PRKN: variants seen among roughly 807,000 people sequenced by gnomAD.
The protein encoded by PRKN is E3 ubiquitin-protein ligase parkin.
A neutral mutation model predicts 59.5 loss-of-function variants in PRKN; 56 were observed. The observed-to-expected ratio is 0.94, with a 90% CI of 0.76 to 1.18. The LOEUF is 1.18. Ranked by LOEUF, PRKN falls within the 50% of genes most tolerant of loss-of-function variation. PRKN has a pLI of 0.00. For synonymous variants in PRKN, 250 were observed against 222.1 expected, an observed-to-expected ratio of 1.13 and a Z score of -1.12; for missense variants, 657 against 596.4, an observed-to-expected ratio of 1.10 and a Z score of -1.06.
At chr6:161,472,025 A>G (rs1001327245) in intron 9 of PRKN, among the ~76,000 whole-genome samples, 2 of 151,936 alleles carry the variant, frequency 1.3e-5, no homozygotes, top group African/African-American at 4.8e-5. Context: ...TTTTTGAAAA[A>G]CCTAATCTAG....
rs1048724165 is a variant in PRKN, at chr6:161,601,825, G to A, written c.872-32409C>T. 4.6e-5 allele frequency among the ~76,000 whole-genome samples: 7 copies of A among 151,998 alleles called. 1 individual carries two copies. Among genetic ancestry groups the A allele is most frequent in the Non-Finnish European group, 5.9e-5 (4 of 67,982 alleles). On this transcript the variant is annotated intron_variant, in intron 7 of 11. Coordinates refer to ENST00000366898, the MANE Select transcript of PRKN (RefSeq NM_004562.3). The stretch of plus-strand genomic sequence containing the variant: ...TCTGGATCTCCTGACCTCGTGATCC[G>A]CCCACCTCGGCCTCCCAAAGTGCTG...
intron 1 of PRKN, among the ~76,000 whole-genome samples, chr6:162,587,899 T>C (rs1246167893): frequency 1.3e-5 from 2 of 152,162 alleles, no homozygotes; most frequent in Non-Finnish European, 2.9e-5. Flanking sequence ...AAGGAGATTA[T>C]ACATCTTTCA....
rs56916508 is a variant in PRKN, at chr6:161,460,751, CT to C, written c.1084-73875del. Among the ~76,000 whole-genome samples the C allele has an allele frequency of 3.1e-3, 442 of 144,522 alleles. 2 individuals are homozygous for C. Among genetic ancestry groups the C allele is most frequent in the Middle Eastern group, 7.2e-3 (2 of 276 alleles). The allele number at this position is 144,522 out of a possible 152,430, so 94.8% of individuals were successfully genotyped here. On this transcript the variant is annotated intron_variant, in intron 9 of 11. Transcript: ENST00000366898. The surrounding 1 kb of genome is among the most constrained non-coding windows in gnomAD (Gnocchi z 5.0). ...ATCCCACACACCAACCAAGAGTTAT[CT>C]TTTTTTTTTTTTTCTTCAGATGGAG...
chr6:162,067,954 T>C (rs78635630), intron 4 of PRKN, among the ~76,000 whole-genome samples: 2,391 of 152,348 alleles, frequency 0.016, 58 homozygotes, highest in African/African-American at 0.054. Context: ...TGTTTTACCA[T>C]GAACTACAGT....
At chr6:162,496,817 T>C (rs564157764) in intron 1 of PRKN, among the ~76,000 whole-genome samples, 1 of 152,332 alleles carries the variant, frequency 6.6e-6, no homozygotes, top group South Asian at 2.1e-4. Context: ...GCCATAATTA[T>C]GTATATGAAA....
intron 3 of PRKN, among the ~76,000 whole-genome samples, chr6:162,214,723 G>C (rs1190409544): frequency 6.6e-6 from 1 of 152,148 alleles, no homozygotes; most frequent in African/African-American, 2.4e-5. Context: ...TTGATAAATA[G>C]ATAGATAGAA....
intron 1 of PRKN, among the ~76,000 whole-genome samples, chr6:162,583,974 G>A (rs1780893451): frequency 6.6e-6 from 1 of 152,158 alleles, no homozygotes; most frequent in African/African-American, 2.4e-5. Flanking sequence ...AGCACTTTGG[G>A]AGGCTGAGGC....
intron 6 of PRKN, among the ~76,000 whole-genome samples, chr6:161,884,991 T>A (rs971674509): frequency 5.5e-5 from 8 of 145,196 alleles, no homozygotes; most frequent in African/African-American, 1.4e-4. Context: ...AAAAAAAAAA[T>A]GCTATCTGTA....
intron 9 of PRKN, among the ~76,000 whole-genome samples, chr6:161,431,152 A>AAG (rs59465296): frequency 6.6e-6 from 1 of 151,602 alleles, no homozygotes; most frequent in African/African-American, 2.4e-5. Flanking sequence ...AAAAAAAAAA[A>AAG]GAAATATTGA....
chr6:162,069,410 C>T (rs1778481372), intron 4 of PRKN, among the ~76,000 whole-genome samples: 1 of 152,106 alleles, frequency 6.6e-6, no homozygotes, highest in Non-Finnish European at 1.5e-5. Flanking sequence ...TCTTTATCAG[C>T]AGTGTGAAAA....
chr6:161,875,023 TATATA>T lies in PRKN; in HGVS notation c.735-89120_735-89116del, dbSNP rs1324011037. On this transcript the variant is annotated intron_variant, in intron 6 of 11. Coordinates refer to ENST00000366898, the MANE Select transcript of PRKN (RefSeq NM_004562.3). ...AATATATTATATATTATATATAAAG[TATATA>T]ATATAATAAATTATATATTATATAT... Among the ~76,000 whole-genome samples, 10 of 102,626 alleles carry T rather than the reference TATATA, an allele frequency of 9.7e-5. No homozygotes were observed. The East Asian group carries it at 2.2e-3, about 23-fold the overall frequency. The allele number at this position is 102,626 out of a possible 152,430, so 67.3% of individuals were successfully genotyped here. A position where few individuals can be genotyped will look rare whatever the true frequency, so the allele number is the denominator to read the frequency against.
chr6:162,645,255 A>G (rs996299267), intron 1 of PRKN, among the ~76,000 whole-genome samples: 2 of 151,830 alleles, frequency 1.3e-5, no homozygotes, highest in African/African-American at 4.8e-5. Flanking sequence ...ATAAAATATC[A>G]AAAAAAAGGA....
chr6:162,372,637 T>C (rs1785830364), intron 2 of PRKN, among the ~76,000 whole-genome samples: 1 of 152,086 alleles, frequency 6.6e-6, no homozygotes, highest in Non-Finnish European at 1.5e-5. Context: ...GCAGAATGAT[T>C]TGAACCCCAA....
intron 5 of PRKN, among the ~76,000 whole-genome samples, chr6:162,022,177 G>A (rs898190585): frequency 3.9e-5 from 6 of 152,076 alleles, no homozygotes; most frequent in Admixed American, 6.5e-5. Context: ...TTGATAGAAT[G>A]ATTTCTTTTC....
At chr6:162,360,391 T>C (rs754177815) in intron 2 of PRKN, among the ~76,000 whole-genome samples, 6 of 152,174 alleles carry the variant, frequency 3.9e-5, no homozygotes, top group Non-Finnish European at 5.9e-5. Context: ...ATTTATTCAG[T>C]TTCCTTTTAA....
chr6:162,275,788 A>C (rs1005375537), intron 2 of PRKN, among the ~76,000 whole-genome samples: 4 of 152,012 alleles, frequency 2.6e-5, no homozygotes, highest in Non-Finnish European at 5.9e-5. Flanking sequence ...TCCGTCTCAA[A>C]AAAAAAAAAC....
chr6:162,479,778 TTAG>T (rs1355659667), intron 1 of PRKN, among the ~76,000 whole-genome samples: 1 of 127,932 alleles, frequency 7.8e-6, no homozygotes, highest in Admixed American at 8.2e-5. Flanking sequence ...TCAAAAATAA[TTAG>T]TAGGAGCCAG....
chr6:162,690,480 C>T (rs1466605135), intron 1 of PRKN, among the ~76,000 whole-genome samples: 6 of 152,296 alleles, frequency 3.9e-5, no homozygotes, highest in African/African-American at 1.2e-4. Context: ...GTAGCTTTCA[C>T]TCATTAGCAA....
At chr6:162,528,466 C>T (rs2128195668) in intron 1 of PRKN, among the ~76,000 whole-genome samples, 1 of 152,202 alleles carries the variant, frequency 6.6e-6, no homozygotes, top group South Asian at 2.1e-4. Flanking sequence ...CATTAAACTG[C>T]ATTCAAGCCA....
Sources: gnomAD v4.1 joint callset for allele counts (sites outside exome capture counted in the v4.1 genomes callset) on GRCh38, gnomAD v4.1.1 for gene constraint, Gnocchi (gnomAD v3.1) non-coding constraint, MANE v1.5 for transcripts, NCBI Gene and HGNC (gene_info 2026-07-23, HGNC 2026-07-21) for gene names.